Variants in EPHB1 observed in about 807,000 individuals in gnomAD.
EPHB1 encodes the protein ephrin type-B receptor 1.
Under a neutral mutation model 94.4 loss-of-function variants are expected in EPHB1, and 30 were observed. The ratio of observed to expected loss-of-function variants is 0.32; its 90% CI spans 0.24 to 0.43. EPHB1 has a LOEUF of 0.43. Ranked by LOEUF, EPHB1 falls within the 20% of genes least tolerant of loss-of-function variation. EPHB1 has a pLI of 1.00. For missense variants in EPHB1, 1,055 were observed against 1,308.3 expected (o/e 0.81, Z 2.99); for synonymous variants, 522 against 489.1 (o/e 1.07, Z -0.89).
chr3:134,804,069 CTATT>C (rs2035985681), intron 1 of EPHB1, among the ~76,000 whole-genome samples: 12 of 51,828 alleles, frequency 2.3e-4, no homozygotes, highest in Non-Finnish European at 3.5e-5. Context: ...TCATTATTGG[CTATT>C]TTTTTTTTTT....
chr3:135,177,587 C>T (rs1413737638), intron 9 of EPHB1, among the ~76,000 whole-genome samples: 1 of 152,246 alleles, frequency 6.6e-6, no homozygotes, highest in African/African-American at 2.4e-5. Flanking sequence ...TAGGCCTGCT[C>T]AATGACCCAC....
At chr3:135,029,523 CT>C (rs912414119) in intron 3 of EPHB1, among the ~76,000 whole-genome samples, 29 of 148,336 alleles carry the variant, frequency 2.0e-4, no homozygotes, top group African/African-American at 6.6e-4. Flanking sequence ...GTTGAAAATT[CT>C]TTTCTTTAAG....
intron 3 of EPHB1, among the ~76,000 whole-genome samples, chr3:135,095,535 A>G (rs1938725157): frequency 2.0e-5 from 3 of 152,146 alleles, no homozygotes; most frequent in Admixed American, 1.3e-4. Context: ...TAGAAACAAA[A>G]TCTGATTCTG....
chr3:134,952,088 G>T, intron 3 of EPHB1, 36 bp downstream of exon 3: 8 of 1,557,582 alleles, frequency 5.1e-6, no homozygotes, highest in Non-Finnish European at 7.0e-6. Flanking sequence ...GCCCATCTAT[G>T]GCAGGGCCAG....
chr3:134,976,887 CT>C (rs1308267385), intron 3 of EPHB1, among the ~76,000 whole-genome samples: 1 of 152,210 alleles, frequency 6.6e-6, no homozygotes, highest in Non-Finnish European at 1.5e-5. Flanking sequence ...GCCTTGAACT[CT>C]GGGGCTCTGC....
chr3:134,867,188 G>A (rs990623536), intron 1 of EPHB1, among the ~76,000 whole-genome samples: 2 of 152,148 alleles, frequency 1.3e-5, no homozygotes, highest in Non-Finnish European at 1.5e-5. Context: ...TGAGCCTTAG[G>A]TATGCCTTTA....
intron 14 of EPHB1, among the ~76,000 whole-genome samples, chr3:135,248,911 T>C (rs969934845): frequency 6.7e-6 from 1 of 149,616 alleles, no homozygotes. Context: ...CACTGCTCCA[T>C]TTTTTTTTTC....
At chr3:135,154,129 C>A (rs369990024) in intron 5 of EPHB1, 23 bp from the exon 6 acceptor site, 1 of 1,613,698 alleles carries the variant, frequency 6.2e-7, no homozygotes, top group Admixed American at 1.7e-5. Flanking sequence ...GTTCAGCTAC[C>A]CTGTTTCTTT....
intron 1 of EPHB1, among the ~76,000 whole-genome samples, chr3:134,822,539 C>T (rs886967109): frequency 6.6e-6 from 1 of 152,152 alleles, no homozygotes; most frequent in Non-Finnish European, 1.5e-5. Context: ...TTGAGGAATG[C>T]CCACAATTCT....
At chr3:135,109,662 C>T (rs548233289) in intron 4 of EPHB1, among the ~76,000 whole-genome samples, 45 of 152,342 alleles carry the variant, frequency 3.0e-4, no homozygotes, top group African/African-American at 1.0e-3. Flanking sequence ...ACCACACAGT[C>T]GCCTTGGCCT....
At chr3:135,194,659 A>G (rs1942549018) in intron 11 of EPHB1, among the ~76,000 whole-genome samples, 1 of 152,226 alleles carries the variant, frequency 6.6e-6, no homozygotes, top group Non-Finnish European at 1.5e-5. Flanking sequence ...ACCTTTGTAC[A>G]ACAGGAACAT....
At chr3:135,214,999 G>C (rs1055484823) in intron 12 of EPHB1, among the ~76,000 whole-genome samples, 1 of 152,106 alleles carries the variant, frequency 6.6e-6, no homozygotes, top group Non-Finnish European at 1.5e-5. Flanking sequence ...GATTTTGTTA[G>C]ATTTGTAAAA....
At chr3:135,021,057 G>C (rs903921369) in intron 3 of EPHB1, among the ~76,000 whole-genome samples, 1 of 152,148 alleles carries the variant, frequency 6.6e-6, no homozygotes, top group Non-Finnish European at 1.5e-5. Flanking sequence ...GATTGTACCA[G>C]TGTTGTATTT....
At chr3:135,015,818 A>G (rs2107751291) in intron 3 of EPHB1, among the ~76,000 whole-genome samples, 1 of 152,298 alleles carries the variant, frequency 6.6e-6, no homozygotes, top group Middle Eastern at 3.4e-3. Context: ...AAGAGGTGAC[A>G]CCTGAGCTAA....
intron 1 of EPHB1, among the ~76,000 whole-genome samples, chr3:134,854,209 A>C (rs1291498112): frequency 6.6e-6 from 1 of 152,132 alleles, no homozygotes; most frequent in Non-Finnish European, 1.5e-5. Context: ...GTGCTGCATG[A>C]ATATGTGTGG....
rs36118 is a variant in EPHB1 at position 134,978,314 on chromosome 3, G to A, written c.805+26262G>A. The stretch of plus-strand genomic sequence containing the variant: ...GCATCTTCCACATGGTTGCTCCAGG[G>A]ATTTTCCCAAAAAGTAAAGCTGGTC... On this transcript the variant is annotated intron_variant, in intron 3 of 15. Transcript: ENST00000398015. Among the ~76,000 whole-genome samples, 643 of 152,224 alleles carry A rather than the reference G, an allele frequency of 4.2e-3. 4 individuals are homozygous for A. The highest frequency in any genetic ancestry group is 0.015 in the African/African-American group (609 of 41,544).
At chr3:135,144,977 G>T (rs1221018394) in intron 5 of EPHB1, among the ~76,000 whole-genome samples, 1 of 152,144 alleles carries the variant, frequency 6.6e-6, no homozygotes, top group Non-Finnish European at 1.5e-5. Flanking sequence ...ACAATGAGAA[G>T]AATAATTAAT....
At chr3:134,867,122 G>A (rs1354897702) in intron 1 of EPHB1, among the ~76,000 whole-genome samples, 1 of 152,162 alleles carries the variant, frequency 6.6e-6, no homozygotes, top group African/African-American at 2.4e-5. Flanking sequence ...CCTCTGAGAA[G>A]CTTCTTTTTA....
chr3:135,005,521 G>T (rs1437140968), intron 3 of EPHB1, among the ~76,000 whole-genome samples: 5 of 152,236 alleles, frequency 3.3e-5, no homozygotes, highest in African/African-American at 4.8e-5. Context: ...GTTTACCTAA[G>T]CAAGCCTGGG....
Sources: gnomAD v4.1 joint callset for allele counts (sites outside exome capture counted in the v4.1 genomes callset) on GRCh38, gnomAD v4.1.1 for gene constraint, MANE v1.5 for transcripts, NCBI Gene and HGNC (gene_info 2026-07-23, HGNC 2026-07-21) for gene names.